The following MAP4K5 variants were observed in gnomAD, a reference collection of about 807,000 sequenced individuals.
MAP4K5 encodes MAPK/ERK kinase kinase kinase 5.
Under a neutral mutation model 135.6 loss-of-function variants are expected in MAP4K5, and 82 were observed. The ratio of observed to expected loss-of-function variants is 0.60; its 90% CI spans 0.51 to 0.73. The LOEUF is 0.73. MAP4K5 is among the 30% of genes least tolerant of loss of function. The pLI, the probability that MAP4K5 is intolerant of heterozygous loss-of-function variation, is 0.00. For missense variants in MAP4K5, 907 were observed against 1,010.9 expected (o/e 0.90, Z 1.39); for synonymous variants, 347 against 335.0 (o/e 1.04, Z -0.39).
intron 2 of MAP4K5, among the ~76,000 whole-genome samples, chr14:50,520,356 T>G (rs1175033606): frequency 1.3e-5 from 2 of 151,990 alleles, no homozygotes; most frequent in Admixed American, 6.6e-5. Flanking sequence ...AAGAAATTAG[T>G]CGGGCATGGC....
intron 9 of MAP4K5, among the ~76,000 whole-genome samples, chr14:50,471,543 T>C (rs1458870343): frequency 6.6e-6 from 1 of 151,918 alleles, no homozygotes; most frequent in Non-Finnish European, 1.5e-5. Flanking sequence ...CTGCAGTTCT[T>C]TTCAAAAACA....
intron 2 of MAP4K5, among the ~76,000 whole-genome samples, chr14:50,541,824 C>T (rs906620114): frequency 2.6e-5 from 4 of 151,408 alleles, no homozygotes; most frequent in South Asian, 4.2e-4. Flanking sequence ...ATTGAGATCA[C>T]GGTGAAACCC....
chr14:50,522,323 G>A (rs2038169324), intron 2 of MAP4K5, among the ~76,000 whole-genome samples: 1 of 151,996 alleles, frequency 6.6e-6, no homozygotes, highest in African/African-American at 2.4e-5. Context: ...TCTTCACCAA[G>A]TTGAAAGTAC....
intron 3 of MAP4K5, among the ~76,000 whole-genome samples, chr14:50,501,205 G>C (rs151209628): frequency 6.6e-6 from 1 of 152,216 alleles, no homozygotes; most frequent in African/African-American, 2.4e-5. Flanking sequence ...AAATTGGGGG[G>C]ATGATGAGGC....
intron 31 of MAP4K5, 124 bp from the exon 32 acceptor site, chr14:50,423,300 TAAAA>T (rs2035773945): frequency 1.9e-6 from 1 of 513,164 alleles, no homozygotes; most frequent in Admixed American, 3.3e-5. Flanking sequence ...ATTCCTCAAA[TAAAA>T]GAAATTTTAG....
chr14:50,424,127 T>G (rs1379102551), intron 31 of MAP4K5, among the ~76,000 whole-genome samples: 1 of 151,452 alleles, frequency 6.6e-6, no homozygotes, highest in African/African-American at 2.4e-5. Context: ...GGTCTACTTT[T>G]AGAGGAACCC....
At chr14:50,525,907 A>G (rs1485361811) in intron 2 of MAP4K5, among the ~76,000 whole-genome samples, 1 of 152,190 alleles carries the variant, frequency 6.6e-6, no homozygotes, top group East Asian at 1.9e-4. Flanking sequence ...GGAGTCCATT[A>G]GCTGGTGTTT....
chr14:50,500,990 T>C (rs2037694033), intron 3 of MAP4K5, among the ~76,000 whole-genome samples: 1 of 152,086 alleles, frequency 6.6e-6, no homozygotes, highest in South Asian at 2.1e-4. Context: ...TAGGTGAGAA[T>C]GGAAAGGAAA....
At chr14:50,502,420 C>T (rs1256170492) in intron 3 of MAP4K5, among the ~76,000 whole-genome samples, 1 of 152,052 alleles carries the variant, frequency 6.6e-6, no homozygotes, top group Non-Finnish European at 1.5e-5. Flanking sequence ...AAGTAAATAT[C>T]TATAATAACC....
intron 1 of MAP4K5, among the ~76,000 whole-genome samples, chr14:50,555,734 C>A (rs916794458): frequency 1.3e-5 from 2 of 152,140 alleles, no homozygotes; most frequent in Admixed American, 6.5e-5. Flanking sequence ...GTCCATGATA[C>A]CACTGAGCTG....
chr14:50,519,380 T>C (rs2038100299), intron 2 of MAP4K5, among the ~76,000 whole-genome samples: 1 of 152,060 alleles, frequency 6.6e-6, no homozygotes, highest in Admixed American at 6.6e-5. Context: ...TATCACCAGG[T>C]ACAGTGGCTC....
chr14:50,425,066 CAGA>C (rs1214804965), intron 31 of MAP4K5, among the ~76,000 whole-genome samples: 2 of 152,124 alleles, frequency 1.3e-5, no homozygotes, highest in Non-Finnish European at 2.9e-5. Flanking sequence ...TAAATGCAAA[CAGA>C]AGAAGTTTTT....
At chr14:50,545,949 GCTCT>G (rs1234183801) in intron 1 of MAP4K5, among the ~76,000 whole-genome samples, 2 of 152,160 alleles carry the variant, frequency 1.3e-5, no homozygotes, top group Non-Finnish European at 2.9e-5. Flanking sequence ...ATCTTCTGAA[GCTCT>G]CTATTTCTCT....
At chr14:50,521,280 T>C (rs2038146108) in intron 2 of MAP4K5, among the ~76,000 whole-genome samples, 1 of 152,226 alleles carries the variant, frequency 6.6e-6, no homozygotes, top group South Asian at 2.1e-4. Flanking sequence ...ATCCCTCATT[T>C]CTCAGTAGAG....
At chr14:50,488,441 G>A (rs754943898) in intron 3 of MAP4K5, among the ~76,000 whole-genome samples, 1 of 152,138 alleles carries the variant, frequency 6.6e-6, no homozygotes, top group African/African-American at 2.4e-5. Context: ...GTGCACAGAA[G>A]CCTTATATCT....
At chr14:50,447,303 G>T in intron 16 of MAP4K5, 111 bp downstream of exon 16, 2 of 626,932 alleles carry the variant, frequency 3.2e-6, no homozygotes, top group South Asian at 2.7e-5. Context: ...TTCATTAATG[G>T]CATAACTTTT....
At chr14:50,442,926 T>C (rs2036261079) in intron 20 of MAP4K5, 110 bp from the exon 21 acceptor site, 1 of 627,930 alleles carries the variant, frequency 1.6e-6, no homozygotes, top group East Asian at 3.0e-5. Context: ...TTGCGTATGC[T>C]TGTTGTTTCA....
chr14:50,494,610 C>T (rs985650335), intron 3 of MAP4K5, among the ~76,000 whole-genome samples: 1 of 151,996 alleles, frequency 6.6e-6, no homozygotes, highest in African/African-American at 2.4e-5. Flanking sequence ...AGAGACTCTC[C>T]ATAGCCAAAA....
chr14:50,525,248 C>A (rs748147281), intron 2 of MAP4K5, among the ~76,000 whole-genome samples: 1 of 152,198 alleles, frequency 6.6e-6, no homozygotes, highest in Non-Finnish European at 1.5e-5. Context: ...AAAATCCAGA[C>A]TCCACATATT....
Sources: gnomAD v4.1 joint callset for allele counts (sites outside exome capture counted in the v4.1 genomes callset) on GRCh38, gnomAD v4.1.1 for gene constraint, MANE v1.5 for transcripts, NCBI Gene and HGNC (gene_info 2026-07-23, HGNC 2026-07-21) for gene names.